Variants in FAT3 observed in about 807,000 individuals in gnomAD.
The protein encoded by FAT3 is FAT atypical cadherin 3.
Under a neutral mutation model 310.2 loss-of-function variants are expected in FAT3, and 95 were observed. The ratio of observed to expected loss-of-function variants is 0.31; its 90% confidence interval spans 0.26 to 0.36. FAT3 has a LOEUF of 0.36. Ranked by LOEUF, FAT3 falls within the 10% of genes least tolerant of loss-of-function variation. FAT3 has a pLI of 1.00. For synonymous variants in FAT3, 2,314 were observed against 2,192.9 expected (o/e 1.06, Z -1.54); for missense variants, 5,408 against 5,715.6 (o/e 0.95, Z 1.74).
At chr11:92,775,520 C>G (rs1946576464) in intron 7 of FAT3, among the ~76,000 whole-genome samples, 1 of 152,160 alleles carries the variant, frequency 6.6e-6, no homozygotes, top group Non-Finnish European at 1.5e-5. Context: ...GAGACAATTT[C>G]TGATCCTCCA....
chr11:92,429,923 G>A (rs761516007), intron 2 of FAT3, among the ~76,000 whole-genome samples: 1 of 152,132 alleles, frequency 6.6e-6, no homozygotes, highest in Non-Finnish European at 1.5e-5. Flanking sequence ...ATGTTGGCCT[G>A]TCTTGCTAGG....
intron 2 of FAT3, among the ~76,000 whole-genome samples, chr11:92,412,701 T>G (rs1390445601): frequency 4.5e-5 from 1 of 22,242 alleles, no homozygotes; most frequent in African/African-American, 7.6e-5. Context: ...ATGATGGTGG[T>G]GATATATATA....
chr11:92,793,728 A>G (rs925985407), intron 9 of FAT3, among the ~76,000 whole-genome samples: 7 of 152,126 alleles, frequency 4.6e-5, no homozygotes, highest in African/African-American at 1.7e-4. Context: ...TTTTTTGAAT[A>G]TTCAAGCCAC....
At chr11:92,350,882 G>C (rs140257554) in intron 1 of FAT3, among the ~76,000 whole-genome samples, 13 of 152,224 alleles carry the variant, frequency 8.5e-5, no homozygotes, top group African/African-American at 3.1e-4. Context: ...AATGTCAAGG[G>C]CTTGCAGAGT....
At chr11:92,657,122 C>A (rs879685728) in intron 3 of FAT3, among the ~76,000 whole-genome samples, 1 of 152,118 alleles carries the variant, frequency 6.6e-6, no homozygotes, top group Non-Finnish European at 1.5e-5. Flanking sequence ...CATTGGTAAG[C>A]ATTTTTCAGA....
chr11:92,344,408 A>G (rs901445309), intron 1 of FAT3, among the ~76,000 whole-genome samples: 1 of 152,056 alleles, frequency 6.6e-6, no homozygotes, highest in Admixed American at 6.6e-5. Context: ...CTTAGTAGCC[A>G]TTTTGTTATC....
chr11:92,355,036 T>A lies in FAT3; in HGVS notation c.2924T>A (p.Leu975Ter). 1.2e-6 allele frequency: 2 copies of A among 1,613,812 alleles called. No homozygotes were observed. Among genetic ancestry groups the A allele is most frequent in the Non-Finnish European group, 1.7e-6 (2 of 1,179,864 alleles). The change falls in exon 2 of 28, where the codon TTG (leucine) becomes TAG (stop). Residue 975 changes from leucine to a stop codon, truncating the protein, a stop_gained. Coordinates refer to ENST00000525166, the MANE Select transcript of FAT3 (RefSeq NM_001367949.2). LOFTEE classifies it high-confidence loss of function. ...CTGGGGGGTCAAGTGCGCTATTCTT[T>A]GGTCAATGACTATAATGGGAGATTT... ...LGLGGQVRYSLVNDYNGRFEI... is the reference protein window; with the variant it reads ...LGLGGQVRYS
At chr11:92,652,607 A>G (rs1942420318) in intron 3 of FAT3, among the ~76,000 whole-genome samples, 1 of 152,306 alleles carries the variant, frequency 6.6e-6, no homozygotes, top group South Asian at 2.1e-4. Flanking sequence ...CCCAGAGACC[A>G]TCTTCTTCCC....
chr11:92,488,808 A>G (rs977869944), intron 2 of FAT3, among the ~76,000 whole-genome samples: 1 of 152,136 alleles, frequency 6.6e-6, no homozygotes, highest in Non-Finnish European at 1.5e-5. Context: ...AAGCACGGGC[A>G]CTGAAATCCA....
intron 2 of FAT3, among the ~76,000 whole-genome samples, chr11:92,360,770 C>T (rs1248951886): frequency 6.6e-6 from 1 of 152,172 alleles, no homozygotes; most frequent in Non-Finnish European, 1.5e-5. Context: ...CTATTATGTG[C>T]CAGGCACTGT....
chr11:92,839,059 G>GTGC (rs1047499609), intron 17 of FAT3, among the ~76,000 whole-genome samples: 22 of 152,136 alleles, frequency 1.4e-4, no homozygotes, highest in Admixed American at 7.9e-4. Context: ...GCTCACAAGG[G>GTGC]TGCTCTCTGC....
chr11:92,430,831 G>A (rs1332283669), intron 2 of FAT3, among the ~76,000 whole-genome samples: 1 of 152,010 alleles, frequency 6.6e-6, no homozygotes, highest in African/African-American at 2.4e-5. Context: ...CCCTACAAGG[G>A]ACATGAACTC....
In FAT3 at chr11:92,836,656, C is replaced by T; in HGVS notation, c.10177C>T (p.Pro3393Ser). ...GDRDNEFTVD[P>S]VLGLVKVKKK... The stretch of plus-strand genomic sequence containing the variant: ...TCGGGACAATGAATTTACTGTAGAT[C>T]CTGTCTTGGGACTTGTGAAAGTTAA... Residue 3393 changes from proline to serine, a missense_variant, in exon 16 of 28, where the codon CCT becomes TCT. Pro to Ser is a moderately conservative substitution (Grantham distance 74). This residue lies in a region of FAT3 where 4,588 missense variants were observed against 4,809.8 expected (regional missense o/e 0.95). Transcript: ENST00000525166. The T allele has an allele frequency of 1.2e-6, 2 of 1,613,666 alleles. No homozygotes were observed. The highest frequency in any genetic ancestry group is 2.2e-5 in the South Asian group (2 of 91,028).
chr11:92,652,164 G>A (rs923440123), intron 3 of FAT3, among the ~76,000 whole-genome samples: 4 of 152,148 alleles, frequency 2.6e-5, no homozygotes, highest in Admixed American at 1.3e-4. Context: ...CTCTGCAGTC[G>A]TGGGATGTAA....
chr11:92,887,008 G>C lies in FAT3; in HGVS notation c.12946G>C (p.Val4316Leu). 1 of 1,603,872 alleles carries C rather than the reference G, an allele frequency of 6.2e-7. No individual in the cohort carries two copies. Among genetic ancestry groups the C allele is most frequent in the South Asian group, 1.1e-5 (1 of 88,330 alleles). ...GWDAGTENKG[V>L]DDPGEVTCFA... The stretch of plus-strand genomic sequence containing the variant: ...TTTCACTGTCCATGAAGACAAAGGG[G>C]TTGATGACCCGGGAGAAGTGACCTG... The change falls in exon 25 of 28, where the codon GTT (valine) becomes CTT (leucine). Residue 4316 changes from valine to leucine, a missense_variant. Around this residue, in one of 5 missense-constraint regions of FAT3, gnomAD observed 649 missense variants for 666.2 expected, o/e 0.97. Coordinates refer to ENST00000525166, the MANE Select transcript of FAT3 (RefSeq NM_001367949.2).
rs778237959 is a variant in FAT3 at position 92,368,833 on chromosome 11, C to CATATATATATATATATATATATATATAT, written c.3292+13444_3292+13445insTATATATATATATATATATATATATATA. Among the ~76,000 whole-genome samples, 191 of 140,844 alleles carry CATATATATATATATATATATATATATAT rather than the reference C, an allele frequency of 1.4e-3. 1 individual carries two copies. The highest frequency in any genetic ancestry group is 3.2e-3 in the African/African-American group (111 of 34,694). 92.4% of individuals were successfully genotyped at this position (140,844 alleles called of 152,430 possible). On this transcript the variant is annotated intron_variant, in intron 2 of 27. Coordinates refer to ENST00000525166, the MANE Select transcript of FAT3 (RefSeq NM_001367949.2). ...TAACAACAGTATGTTTGTGTGTATACATATATATATATATACACACATACA... is the reference window on the plus strand; with the variant it reads ...TAACAACAGTATGTTTGTGTGTATACATATATATATATATATATATATATATATATATATATATATATACACACATACA...
intron 4 of FAT3, among the ~76,000 whole-genome samples, chr11:92,736,482 G>A (rs1010799396): frequency 6.6e-6 from 1 of 152,148 alleles, no homozygotes; most frequent in African/African-American, 2.4e-5. Context: ...TAGAAGAATG[G>A]CATTTGGGGA....
At chr11:92,670,994 C>G (rs1943111429) in intron 3 of FAT3, among the ~76,000 whole-genome samples, 2 of 152,106 alleles carry the variant, frequency 1.3e-5, no homozygotes, top group South Asian at 4.1e-4. Context: ...CCTGCATGCC[C>G]TCCAGCCTCA....
chr11:92,329,613 A>T (rs1333614124), intron 1 of FAT3, among the ~76,000 whole-genome samples: 2 of 129,058 alleles, frequency 1.5e-5, no homozygotes, highest in African/African-American at 3.1e-5. Context: ...TTTTTATAGA[A>T]TTTTTTTTTT....
Sources: allele counts gnomAD v4.1 joint callset (sites outside exome capture counted in the v4.1 genomes callset), GRCh38; gene constraint gnomAD v4.1.1; regional missense constraint gnomAD v4.1.1; transcripts MANE v1.5; gene names NCBI Gene and HGNC (gene_info 2026-07-23, HGNC 2026-07-21).